The following PLA2G4A variants were observed in gnomAD, a reference collection of about 807,000 sequenced individuals.
PLA2G4A encodes the protein cytosolic phospholipase A2.
In PLA2G4A, 40 loss-of-function variants were observed where a neutral mutation model predicts 81.9. The observed-to-expected ratio is 0.49, with a 90% CI of 0.38 to 0.64. PLA2G4A has a LOEUF of 0.64. Ranked by LOEUF, PLA2G4A falls within the 30% of genes least tolerant of loss-of-function variation. The probability of loss-of-function intolerance (pLI) is 0.00; values close to 1 mark genes in which losing one functional copy is unlikely to be tolerated. For synonymous variants in PLA2G4A, 302 were observed against 296.9 expected, an observed-to-expected ratio of 1.02 and a Z score of -0.18; for missense variants, 715 against 905.1, an observed-to-expected ratio of 0.79 and a Z score of 2.69.
At chr1:186,952,000 C>G (rs1656578201) in intron 13 of PLA2G4A, among the ~76,000 whole-genome samples, 1 of 152,094 alleles carries the variant, frequency 6.6e-6, no homozygotes, top group Admixed American at 6.6e-5. Flanking sequence ...GTCCTGGAAG[C>G]AAGCAAGTCT....
At chr1:186,988,244 C>A in intron 17 of PLA2G4A, 133 bp from the exon 18 acceptor site, 1 of 640,536 alleles carries the variant, frequency 1.6e-6, no homozygotes, top group Non-Finnish European at 2.6e-6. Context: ...GTATGCATGA[C>A]TCGTAGATTT....
At chr1:186,875,083 G>A (rs1279539085) in intron 3 of PLA2G4A, among the ~76,000 whole-genome samples, 3 of 151,970 alleles carry the variant, frequency 2.0e-5, no homozygotes, top group Non-Finnish European at 2.9e-5. Context: ...AGTAGATTCC[G>A]AATTTCTAAC....
At chr1:186,856,211 C>T (rs1401565107) in intron 2 of PLA2G4A, among the ~76,000 whole-genome samples, 2 of 151,916 alleles carry the variant, frequency 1.3e-5, no homozygotes, top group Non-Finnish European at 2.9e-5. Flanking sequence ...AACCATGAAT[C>T]TCATCCACAA....
intron 16 of PLA2G4A, among the ~76,000 whole-genome samples, chr1:186,978,959 C>A (rs574154222): frequency 6.6e-6 from 1 of 152,294 alleles, no homozygotes. Context: ...ACACGCACAC[C>A]AAAAGGCAGG....
chr1:186,851,522 A>T (rs1347491754), intron 1 of PLA2G4A, among the ~76,000 whole-genome samples: 3 of 152,060 alleles, frequency 2.0e-5, no homozygotes, highest in Non-Finnish European at 4.4e-5. Context: ...GAACGGATGT[A>T]GTTCTCATAC....
Position 186,854,381 on chromosome 1 carries a change from C to T in PLA2G4A, c.27C>T (p.His9=). Residue 9 remains histidine (H), a synonymous_variant, in exon 2 of 18, where the codon CAC becomes CAT. Coordinates refer to ENST00000367466, the MANE Select transcript of PLA2G4A (RefSeq NM_024420.3). The part of the protein sequence containing the change: MSFIDPYQ[H]IIVEHQYSHK... ...TGTCATTTATAGATCCTTACCAGCA[C>T]ATTATAGTAAGTCATTCACTGTTTA... 1.9e-6 allele frequency: 3 copies of T among 1,566,098 alleles called. No individual in the cohort carries two copies. Among genetic ancestry groups the T allele is most frequent in the Non-Finnish European group, 2.6e-6 (3 of 1,136,926 alleles).
At chr1:186,935,305 A>G (rs1194059813) in intron 8 of PLA2G4A, among the ~76,000 whole-genome samples, 2 of 151,928 alleles carry the variant, frequency 1.3e-5, no homozygotes, top group Non-Finnish European at 2.9e-5. Flanking sequence ...AGGCATATGA[A>G]CCTCATAAAA....
intron 13 of PLA2G4A, among the ~76,000 whole-genome samples, chr1:186,952,467 T>C (rs1571436342): frequency 6.6e-6 from 1 of 152,096 alleles, no homozygotes; most frequent in Admixed American, 6.6e-5. Context: ...TTCCCATATG[T>C]CCCCTGTCCA....
chr1:186,942,626 G>T lies in PLA2G4A; in HGVS notation c.1033+2532G>T, dbSNP rs575372827. ...GTCATGATTGTTCTGGACTTTTCAC[G>T]GTGGTTATATTTTATTCTGAATTTT... On this transcript the variant is annotated intron_variant, in intron 10 of 17. Transcript: ENST00000367466. 4.6e-5 allele frequency among the ~76,000 whole-genome samples: 7 copies of T among 151,934 alleles called. No homozygotes were observed. In the East Asian group the frequency reaches 1.2e-3, roughly 25 times the overall value.
intron 7 of PLA2G4A, among the ~76,000 whole-genome samples, chr1:186,921,093 C>T (rs573871163): frequency 1.9e-4 from 29 of 152,310 alleles, no homozygotes; most frequent in African/African-American, 7.0e-4. Flanking sequence ...CATTTGTAGT[C>T]TTTTGAGCCC....
intron 1 of PLA2G4A, among the ~76,000 whole-genome samples, chr1:186,830,957 G>GCTTGCTTGCTTTCTTTCTTT (rs1491468816): frequency 4.8e-5 from 4 of 82,782 alleles, no homozygotes; most frequent in South Asian, 4.0e-4. Context: ...TTGCTTGCTT[G>GCTTGCTTGCTTTCTTTCTTT]CTTTCTTTCT....
intron 3 of PLA2G4A, among the ~76,000 whole-genome samples, chr1:186,878,145 AT>A (rs1173397593): frequency 7.0e-6 from 1 of 142,166 alleles, no homozygotes; most frequent in Non-Finnish European, 1.5e-5. Flanking sequence ...TTTCTGATAT[AT>A]TTTATATATA....
intron 6 of PLA2G4A, among the ~76,000 whole-genome samples, chr1:186,908,457 C>T (rs1165911792): frequency 1.3e-5 from 2 of 151,812 alleles, no homozygotes; most frequent in African/African-American, 4.8e-5. Context: ...TGATAGATTT[C>T]TAATCACTTA....
intron 14 of PLA2G4A, among the ~76,000 whole-genome samples, chr1:186,959,391 A>G (rs949077046): frequency 2.0e-5 from 3 of 152,178 alleles, no homozygotes; most frequent in Non-Finnish European, 4.4e-5. Flanking sequence ...AATTTTTTTG[A>G]GATACCTGAA....
intron 7 of PLA2G4A, 46 bp from the exon 8 acceptor site, chr1:186,932,717 T>G (rs1322705402): frequency 3.1e-6 from 5 of 1,590,360 alleles, no homozygotes; most frequent in Non-Finnish European, 3.5e-6. Flanking sequence ...AACTGTATTT[T>G]ATGATTTTTA....
intron 15 of PLA2G4A, among the ~76,000 whole-genome samples, chr1:186,967,338 C>T (rs191796051): frequency 6.7e-6 from 1 of 149,156 alleles, no homozygotes; most frequent in East Asian, 1.9e-4. Context: ...GGAATGAGCA[C>T]AGCCCACGAC....
chr1:186,934,361 A>G (rs1655855542), intron 8 of PLA2G4A, among the ~76,000 whole-genome samples: 1 of 151,004 alleles, frequency 6.6e-6, no homozygotes, highest in African/African-American at 2.4e-5. Context: ...CTTTGGTTAT[A>G]GATTTGGTGC....
At chr1:186,884,990 G>A (rs1282844608) in intron 3 of PLA2G4A, among the ~76,000 whole-genome samples, 1 of 152,034 alleles carries the variant, frequency 6.6e-6, no homozygotes, top group Non-Finnish European at 1.5e-5. Context: ...GGAGGGGAGT[G>A]ATAGGGATAT....
At chr1:186,886,304 T>C (rs1653936390) in intron 3 of PLA2G4A, among the ~76,000 whole-genome samples, 1 of 152,174 alleles carries the variant, frequency 6.6e-6, no homozygotes, top group South Asian at 2.1e-4. Context: ...ACTTGATTAA[T>C]GCAAAGTTTA....
Sources: allele counts gnomAD v4.1 joint callset (sites outside exome capture counted in the v4.1 genomes callset), GRCh38; gene constraint gnomAD v4.1.1; transcripts MANE v1.5; gene names NCBI Gene and HGNC (gene_info 2026-07-23, HGNC 2026-07-21).